Variants in CORO6 observed in about 807,000 individuals in gnomAD.
CORO6 encodes the protein coronin 6, also known as coronin-6.
CORO6 carries 43 observed loss-of-function variants against 49.0 expected under a neutral mutation model. That is an observed-to-expected ratio of 0.88 (90% CI 0.69 to 1.13). CORO6 has a LOEUF of 1.13. CORO6 is among the 50% of genes most tolerant of loss of function. The pLI, the probability that CORO6 is intolerant of heterozygous loss-of-function variation, is 0.00. For missense variants in CORO6, 650 were observed against 647.0 expected, an observed-to-expected ratio of 1.00 and a Z score of -0.05; for synonymous variants, 233 against 256.5, an observed-to-expected ratio of 0.91 and a Z score of 0.88.
In CORO6 at chr17:29,621,439, TAG is replaced by T. The variant is rs1567811820; in HGVS notation, c.-20_-19del. ...CTGCTCATAGCTGCAGGCAGAGAGG[TAG>T]GATCTCAGTGCCCAGAAATGCCTTT... is the stretch of plus-strand genomic sequence containing the variant. On this transcript the variant is annotated 5_prime_UTR_variant, in exon 2 of 11. Coordinates refer to ENST00000388767, the MANE Select transcript of CORO6 (RefSeq NM_032854.4). This position sits in a 1 kb window ranked among gnomAD's most constrained non-coding sequence, Gnocchi z 4.2. The T allele has an allele frequency of 1.3e-6, 2 of 1,587,198 alleles. No homozygotes were observed. The highest frequency in any genetic ancestry group is 1.7e-6 in the Non-Finnish European group (2 of 1,165,932).
chr17:29,618,144 GC>G, intron 5 of CORO6: 1 of 1,395,430 alleles, frequency 7.2e-7, no homozygotes, highest in Non-Finnish European at 9.3e-7. Flanking sequence ...GCGGGCGGGC[GC>G]CCTCGTGAGG....
intron 3 of CORO6, 79 bp from the exon 4 acceptor site, chr17:29,619,268 T>A (rs1216695355): frequency 1.2e-5 from 19 of 1,533,570 alleles, no homozygotes; most frequent in Non-Finnish European, 1.5e-5. Context: ...CCTTTTTTTT[T>A]AACCCTACTG....
chr17:29,617,902 G>A (rs1442598678), intron 5 of CORO6: 2 of 754,376 alleles, frequency 2.7e-6, no homozygotes, highest in East Asian at 3.3e-5. Context: ...GTGTCTGCTG[G>A]CTCCCCGGAG....
At position 29,616,224 on chromosome 17, in the gene CORO6, TGCTCC is replaced by T; in HGVS notation, c.1062+50_1063-50del. 1 of 1,608,858 alleles carries T rather than the reference TGCTCC, an allele frequency of 6.2e-7. No homozygotes were observed. Among genetic ancestry groups the T allele is most frequent in the Non-Finnish European group, 8.5e-7 (1 of 1,176,520 alleles). ...GACTTGCGTGAGAGGGTGCGGGGCT[TGCTCC>T]GCTCCCTTCCGCCTCGTAGCCCTGC... On this transcript the variant is annotated intron_variant, in intron 9 of 10. Transcript: ENST00000388767. This position sits in a 1 kb window ranked among gnomAD's most constrained non-coding sequence, Gnocchi z 5.6.
In CORO6 at chr17:29,616,753, A is replaced by G; in HGVS notation, c.953T>C (p.Met318Thr). The change falls in exon 8 of 11, where the codon ATG (methionine) becomes ACG (threonine). Residue 318 changes from methionine to threonine, a missense_variant. Coordinates refer to ENST00000388767, the MANE Select transcript of CORO6 (RefSeq NM_032854.4). This position sits in a 1 kb window ranked among gnomAD's most constrained non-coding sequence, Gnocchi z 5.6. ...CAGTCCCCTTTTGGGCATGAAACCC[A>G]TGCCCCGCTGCGGCTCTTTGCTGCT... Reference protein sequence around the residue: ...TFSSKEPQRGMGFMPKRGLDV... With the variant: ...TFSSKEPQRGTGFMPKRGLDV... 1 of 1,613,766 alleles carries G rather than the reference A, an allele frequency of 6.2e-7. No individual in the cohort carries two copies. The highest frequency in any genetic ancestry group is 8.5e-7 in the Non-Finnish European group (1 of 1,179,916).
In CORO6 at chr17:29,617,061, C is replaced by A. The variant is rs754744978; in HGVS notation, c.754-19G>T. Reference sequence around the variant, plus strand: ...AGTTGTTCTGCCCGAGCACAGGAGGCGTGACCAGCCCTGCCCCACCCTCCC... The same window carrying A: ...AGTTGTTCTGCCCGAGCACAGGAGGAGTGACCAGCCCTGCCCCACCCTCCC... On this transcript the variant is annotated intron_variant, in intron 6 of 10. Coordinates refer to ENST00000388767, the MANE Select transcript of CORO6 (RefSeq NM_032854.4). The A allele has an allele frequency of 6.2e-7, 1 of 1,610,488 alleles. No homozygotes were observed. The highest frequency in any genetic ancestry group is 1.1e-5 in the South Asian group (1 of 91,036).
chr17:29,618,189 T>C (rs1178346650), intron 5 of CORO6: 2 of 1,342,196 alleles, frequency 1.5e-6, no homozygotes, highest in East Asian at 6.2e-5. Context: ...GTTAGTGGGT[T>C]AGAGCGCCCC....
rs774728282 is a variant in CORO6, at chr17:29,619,088, A to T, written c.423T>A (p.Pro141=). 1.9e-6 allele frequency: 3 copies of T among 1,613,598 alleles called. No homozygotes were observed. The highest frequency in any genetic ancestry group is 2.5e-6 in the Non-Finnish European group (3 of 1,179,844). ...SKRVGILSWH[P]TARNVLLSAG... ...CACTGAGCAGGACATTCCTGGCAGTAGGGTGCCAGGAGAGGATGCCCACAC... is the reference window on the plus strand; with the variant it reads ...CACTGAGCAGGACATTCCTGGCAGTTGGGTGCCAGGAGAGGATGCCCACAC... The change falls in exon 4 of 11, where the codon CCT becomes CCA. Residue 141 remains proline, a synonymous_variant. Coordinates refer to ENST00000388767, the MANE Select transcript of CORO6 (RefSeq NM_032854.4).
chr17:29,615,704 C>T lies in CORO6; in HGVS notation c.*28G>A, dbSNP rs1284674926. ...GGCGGGGCCGAGCTTGTGCGCCCCGCCCCGCTCCGCCTGCCTGGCGCGCGG... is the reference window on the plus strand; with the variant it reads ...GGCGGGGCCGAGCTTGTGCGCCCCGTCCCGCTCCGCCTGCCTGGCGCGCGG... On this transcript the variant is annotated 3_prime_UTR_variant, in exon 11 of 11. Transcript: ENST00000388767. 8.1e-6 allele frequency: 12 copies of T among 1,479,876 alleles called. No individual in the cohort carries two copies. The African/African-American group carries it at 1.1e-4, about 14-fold the overall frequency. The allele number at this position is 1,479,876 out of a possible 1,614,324, so 91.7% of individuals were successfully genotyped here. A position where few individuals can be genotyped will look rare whatever the true frequency, so the allele number is the denominator to read the frequency against.
At chr17:29,622,580 C>T in intron 1 of CORO6, 108 bp downstream of exon 1, 1 of 601,968 alleles carries the variant, frequency 1.7e-6, no homozygotes. Context: ...CCTCCCCGCC[C>T]GAAACCGAAT....
intron 1 of CORO6, chr17:29,622,338 G>GACACAC: frequency 6.4e-6 from 1 of 155,556 alleles, no homozygotes; most frequent in African/African-American, 2.4e-5. Flanking sequence ...TCCAGCTAGG[G>GACACAC]TCTCCCTAGA....
chr17:29,615,935 C>A lies in CORO6; in HGVS notation c.1293+10G>T, dbSNP rs186893482. 1,205 of 1,577,074 alleles carry A rather than the reference C, an allele frequency of 7.6e-4. 38 individuals are homozygous for A. The East Asian group carries it at 0.027, about 36-fold the overall frequency. On this transcript the variant is annotated intron_variant, in intron 10 of 10. Transcript: ENST00000388767. ...TAGATTGGGCCAGAGTGCAGCAGGG[C>A]CGATCTTACCGACAAGGGGGCGTCG...
In CORO6 at chr17:29,621,670, G is replaced by A; in HGVS notation, c.-63-186C>T. On this transcript the variant is annotated intron_variant, in intron 1 of 10. Transcript: ENST00000388767. This position sits in a 1 kb window ranked among gnomAD's most constrained non-coding sequence, Gnocchi z 4.2. ...TGTAAGTGGCTAGGATTTGGGGCCTGAATTCTCCACAGAGACCCAGGCTGA... is the reference window on the plus strand; with the variant it reads ...TGTAAGTGGCTAGGATTTGGGGCCTAAATTCTCCACAGAGACCCAGGCTGA... 3.4e-6 allele frequency: 2 copies of A among 583,734 alleles called. No individual in the cohort carries two copies. Among genetic ancestry groups the A allele is most frequent in the South Asian group, 2.1e-5 (1 of 47,812 alleles). The allele number at this position is 583,734 out of a possible 1,614,324, so 36.2% of individuals were successfully genotyped here.
rs2034878795 is a variant in CORO6, at chr17:29,616,090, T to A, written c.1148A>T (p.Asp383Val). The A allele has an allele frequency of 6.2e-7, 1 of 1,612,924 alleles. No homozygotes were observed. Among genetic ancestry groups the A allele is most frequent in the African/African-American group, 1.3e-5 (1 of 74,918 alleles). Residue 383 changes from aspartate (D) to valine (V), a missense_variant, in exon 10 of 11, where the codon GAC (aspartate) becomes GTC (valine). Coordinates refer to ENST00000388767, the MANE Select transcript of CORO6 (RefSeq NM_032854.4). This position sits in a 1 kb window ranked among gnomAD's most constrained non-coding sequence, Gnocchi z 5.6. ...CAGCGAAATGAGCACGGGTTCGGCG[T>A]CCTGGCCGGATAGCCATTCGTCCGC... The part of the protein sequence containing the change: ...LEADEWLSGQ[D>V]AEPVLISLRD...
At position 29,616,807 on chromosome 17, in the gene CORO6, G is replaced by A. The variant is rs763682305; in HGVS notation, c.899C>T (p.Pro300Leu). Residue 300 changes from proline to leucine, a missense_variant, in exon 8 of 11, where the codon CCG becomes CTG. Pro to Leu is a moderately conservative substitution (Grantham distance 98, BLOSUM62 -3). Coordinates refer to ENST00000388767, the MANE Select transcript of CORO6 (RefSeq NM_032854.4). The surrounding 1 kb of genome is among the most constrained non-coding windows in gnomAD (Gnocchi z 5.6). ...SIRYFEITDE[P>L]PFVHYLNTFS... is the part of the protein sequence containing the mutation. ...CGTGTTCAGGTAGTGCACGAAAGGC[G>A]GCTCGTCGGTAATCTCAAAGTACCG... is the stretch of plus-strand genomic sequence containing the variant. 6.2e-7 allele frequency: 1 copy of A among 1,613,756 alleles called. No homozygotes were observed. Among genetic ancestry groups the A allele is most frequent in the Non-Finnish European group, 8.5e-7 (1 of 1,179,926 alleles).
Position 29,616,819 on chromosome 17 carries a change from A to T in CORO6, c.887T>A (p.Ile296Asn). Residue 296 changes from isoleucine to asparagine, a missense_variant, in exon 8 of 11, where the codon ATT becomes AAT. Transcript: ENST00000388767. This position sits in a 1 kb window ranked among gnomAD's most constrained non-coding sequence, Gnocchi z 5.6. ...GTGCACGAAAGGCGGCTCGTCGGTA[A>T]TCTCAAAGTACCGAATGCTGCTGTC... is the stretch of plus-strand genomic sequence containing the variant. ...KGDSSIRYFEITDEPPFVHYL... is the reference protein window; with the variant it reads ...KGDSSIRYFENTDEPPFVHYL... 6.2e-7 allele frequency: 1 copy of T among 1,613,636 alleles called. No individual in the cohort carries two copies. Among genetic ancestry groups the T allele is most frequent in the Non-Finnish European group, 8.5e-7 (1 of 1,179,902 alleles).
chr17:29,617,318 A>T (rs1353647071), intron 6 of CORO6, 182 bp downstream of exon 6: 1 of 1,527,558 alleles, frequency 6.5e-7, no homozygotes, highest in African/African-American at 1.4e-5. Flanking sequence ...CCAGCGCAGG[A>T]TCCTTCACGC....
intron 6 of CORO6, chr17:29,617,277 C>A: frequency 7.2e-6 from 11 of 1,532,542 alleles, no homozygotes; most frequent in Non-Finnish European, 9.6e-6. Context: ...GCAAACCACC[C>A]CCAGGGACTC....
intron 5 of CORO6, chr17:29,617,983 G>A: frequency 3.0e-6 from 4 of 1,335,690 alleles, no homozygotes; most frequent in Non-Finnish European, 3.9e-6. Flanking sequence ...GCCACAGCCC[G>A]GGAAGGCGCT....
Sources: allele counts gnomAD v4.1 joint callset, GRCh38; gene constraint gnomAD v4.1.1; non-coding constraint Gnocchi (gnomAD v3.1); transcripts MANE v1.5; gene names NCBI Gene and HGNC (gene_info 2026-07-23, HGNC 2026-07-21).